Variants in ATOX1 observed in about 807,000 individuals in gnomAD.
ATOX1 encodes copper transport protein ATOX1.
A neutral mutation model predicts 7.3 loss-of-function variants in ATOX1; 4 were observed. The ratio of observed to expected loss-of-function variants is 0.55; its 90% confidence interval spans 0.27 to 1.25. The LOEUF (loss-of-function observed/expected upper bound fraction) is 1.25, where lower values mean the gene tolerates loss of function less well. ATOX1 is among the 50% of genes most tolerant of loss of function. The probability of loss-of-function intolerance (pLI) is 0.12; values close to 1 mark genes in which losing one functional copy is unlikely to be tolerated. For missense variants in ATOX1, 68 were observed against 81.6 expected (o/e 0.83, Z 0.64); for synonymous variants, 25 against 28.7 (o/e 0.87, Z 0.41).
chr5:151,748,990 C>T (rs1265069755), intron 2 of ATOX1, among the ~76,000 whole-genome samples: 1 of 152,082 alleles, frequency 6.6e-6, no homozygotes, highest in Non-Finnish European at 1.5e-5. Context: ...CCCAGCTACT[C>T]AGGAGGCTGA....
intron 1 of ATOX1, among the ~76,000 whole-genome samples, chr5:151,757,330 C>T: frequency 6.6e-6 from 1 of 152,210 alleles, no homozygotes; most frequent in East Asian, 1.9e-4. Flanking sequence ...TGGTGGCCTT[C>T]ACTCCCCAAG....
At chr5:151,746,645 G>A in intron 2 of ATOX1, 196 bp from the exon 3 acceptor site, 2 of 568,942 alleles carry the variant, frequency 3.5e-6, no homozygotes, top group Non-Finnish European at 6.1e-6. Context: ...AGACTCTGTT[G>A]TATATTCTGT....
At chr5:151,746,925 G>C (rs935367904) in intron 2 of ATOX1, among the ~76,000 whole-genome samples, 6 of 152,046 alleles carry the variant, frequency 3.9e-5, no homozygotes, top group Admixed American at 6.5e-5. Flanking sequence ...GTAGAGACAG[G>C]GTTTTGTCAT....
At chr5:151,750,649 T>TC (rs1761938650) in intron 2 of ATOX1, among the ~76,000 whole-genome samples, 2 of 144,404 alleles carry the variant, frequency 1.4e-5, no homozygotes, top group African/African-American at 5.1e-5. Context: ...TCTTTCTTTT[T>TC]TTTTTTTTTT....
At chr5:151,753,680 A>G (rs1761978284) in intron 1 of ATOX1, 1 of 152,198 alleles carries the variant, frequency 6.6e-6, no homozygotes, top group Non-Finnish European at 1.5e-5. Context: ...TAGTGTGCAT[A>G]GGAAGAATCT....
chr5:151,747,209 A>C (rs1761888810), intron 2 of ATOX1, among the ~76,000 whole-genome samples: 2 of 152,158 alleles, frequency 1.3e-5, no homozygotes, highest in Non-Finnish European at 2.9e-5. Context: ...CAAATGAAAA[A>C]TAATTCCTCC....
At chr5:151,756,781 C>T (rs550694829) in intron 1 of ATOX1, among the ~76,000 whole-genome samples, 55 of 152,130 alleles carry the variant, frequency 3.6e-4, no homozygotes, top group Non-Finnish European at 7.6e-4. Context: ...GCCTCACCTG[C>T]CTATAGCTCT....
At chr5:151,754,857 G>A (rs1761993400) in intron 1 of ATOX1, among the ~76,000 whole-genome samples, 1 of 151,616 alleles carries the variant, frequency 6.6e-6, no homozygotes, top group African/African-American at 2.4e-5. Flanking sequence ...GGTGGCATGC[G>A]CCTGTAGTCC....
chr5:151,750,833 T>C (rs777902170), intron 2 of ATOX1, among the ~76,000 whole-genome samples: 3 of 151,734 alleles, frequency 2.0e-5, no homozygotes, highest in Admixed American at 6.6e-5. Flanking sequence ...GTATTTTTTG[T>C]AGAGATGGCA....
At chr5:151,758,501 C>T (rs1298569697) in intron 1 of ATOX1, 45 bp downstream of exon 1, 1 of 1,481,612 alleles carries the variant, frequency 6.7e-7, no homozygotes, top group African/African-American at 1.5e-5. Context: ...CGAGAAGCAA[C>T]CCGGGACTGC....
chr5:151,751,256 C>CAAAA (rs59348695), intron 2 of ATOX1, among the ~76,000 whole-genome samples: 10 of 63,470 alleles, frequency 1.6e-4, no homozygotes, highest in African/African-American at 5.8e-4. Flanking sequence ...AACTCTGTCT[C>CAAAA]AAAAAAAAAA....
intron 3 of ATOX1, chr5:151,745,182 A>G (rs1388719624): frequency 6.6e-6 from 1 of 152,136 alleles, no homozygotes. Context: ...TTTGGGAAGG[A>G]GGCTATCCTC....
chr5:151,752,979 G>C (rs1323124315), intron 1 of ATOX1, among the ~76,000 whole-genome samples: 1 of 152,096 alleles, frequency 6.6e-6, no homozygotes, highest in Non-Finnish European at 1.5e-5. Flanking sequence ...CTTGAAGTGA[G>C]GTTATGTGGC....
chr5:151,746,378 G>A lies in ATOX1; in HGVS notation c.154C>T (p.Leu52Phe). The change falls in exon 3 of 4, where the codon CTT becomes TTT. Residue 52 changes from leucine to phenylalanine, a missense_variant. Coordinates refer to ENST00000313115, the MANE Select transcript of ATOX1 (RefSeq NM_004045.4). Reference protein sequence around the residue: ...IESEHSMDTLLATLKKTGKTV... With the variant: ...IESEHSMDTLFATLKKTGKTV... ...TTTCCTGTTTTCTTCAGGGTTGCAAGCAGAGTGTCCATGCTGTGCTCAGAT... is the reference window on the plus strand; with the variant it reads ...TTTCCTGTTTTCTTCAGGGTTGCAAACAGAGTGTCCATGCTGTGCTCAGAT... The A allele has an allele frequency of 6.2e-7, 1 of 1,613,972 alleles. No homozygotes were observed. Among genetic ancestry groups the A allele is most frequent in the South Asian group, 1.1e-5 (1 of 91,088 alleles).
In ATOX1 at chr5:151,752,349, G is replaced by GAGACCA. The variant is rs1291219072; in HGVS notation, c.7-571_7-570insTGGTCT. On this transcript the variant is annotated intron_variant, in intron 1 of 3. Transcript: ENST00000313115. ...CCGCATTCTCAGAGGCAGCATCTGGGTCCAGGGAAAGAAAGGATTGCCTGG... is the reference window on the plus strand; with the variant it reads ...CCGCATTCTCAGAGGCAGCATCTGGGAGACCATCCAGGGAAAGAAAGGATTGCCTGG... 2.4e-5 allele frequency: 17 copies of GAGACCA among 698,504 alleles called. No homozygotes were observed. The African/African-American group carries it at 2.6e-4, about 10-fold the overall frequency. The allele number at this position is 698,504 out of a possible 1,614,324, so 43.3% of individuals were successfully genotyped here. A position where few individuals can be genotyped will look rare whatever the true frequency, so the allele number is the denominator to read the frequency against.
chr5:151,744,745 G>A (rs1179463791), intron 3 of ATOX1: 1 of 152,132 alleles, frequency 6.6e-6, no homozygotes, highest in Non-Finnish European at 1.5e-5. Flanking sequence ...AGGGTCCAAA[G>A]CCCCATCCAC....
chr5:151,752,309 G>C (rs1167568424), intron 1 of ATOX1: 1 of 702,484 alleles, frequency 1.4e-6, no homozygotes, highest in African/African-American at 1.7e-5. Flanking sequence ...AGGTGATTCT[G>C]CTTTCATCCA....
At chr5:151,754,559 G>A (rs1361082138) in intron 1 of ATOX1, among the ~76,000 whole-genome samples, 2 of 151,930 alleles carry the variant, frequency 1.3e-5, no homozygotes, top group Admixed American at 6.6e-5. Context: ...ACTAGCCTGG[G>A]CAATACAGTG....
At chr5:151,744,346 C>T (rs1761857207) in intron 3 of ATOX1, 2 of 152,264 alleles carry the variant, frequency 1.3e-5, no homozygotes, top group Admixed American at 6.5e-5. Context: ...TATTTATATC[C>T]TACTGTTCAA....
Sources: gnomAD v4.1 joint callset for allele counts (sites outside exome capture counted in the v4.1 genomes callset) on GRCh38, gnomAD v4.1.1 for gene constraint, MANE v1.5 for transcripts, NCBI Gene and HGNC (gene_info 2026-07-23, HGNC 2026-07-21) for gene names.